The following LSAMP variants were observed in gnomAD, a reference collection of about 807,000 sequenced individuals.
The protein encoded by LSAMP is limbic system-associated membrane protein.
Under a neutral mutation model 38.6 loss-of-function variants are expected in LSAMP, and 7 were observed. That is an observed-to-expected ratio of 0.18 (90% CI 0.10 to 0.34). The LOEUF (loss-of-function observed/expected upper bound fraction) is 0.34, where lower values mean the gene tolerates loss of function less well. LSAMP is among the 10% of genes least tolerant of loss of function. LSAMP has a pLI of 1.00. For missense variants in LSAMP, 313 were observed against 420.0 expected (o/e 0.75, Z 2.23); for synonymous variants, 154 against 166.8 (o/e 0.92, Z 0.59).
intron 1 of LSAMP, among the ~76,000 whole-genome samples, chr3:116,210,039 C>T (rs1044747895): frequency 1.1e-4 from 17 of 152,280 alleles, no homozygotes; most frequent in African/African-American, 3.9e-4. Context: ...CAGGCCTGAG[C>T]CACTGAGCCC....
At chr3:115,854,282 A>ATTATTAT (rs1366839788) in intron 3 of LSAMP, among the ~76,000 whole-genome samples, 10 of 107,028 alleles carry the variant, frequency 9.3e-5, no homozygotes, top group Admixed American at 7.8e-4. Flanking sequence ...TATTATTATT[A>ATTATTAT]TTTTTTTTTT....
intron 1 of LSAMP, among the ~76,000 whole-genome samples, chr3:116,354,845 ATG>A (rs56975134): frequency 0.51 from 74,674 of 146,112 alleles, 20,022 homozygotes; most frequent in East Asian, 0.72. Context: ...GGGTGTATAT[ATG>A]TGTGTGTGTG....
chr3:115,810,270 G>T lies in LSAMP; in HGVS notation c.*47C>A. The T allele has an allele frequency of 3.9e-6, 5 of 1,274,536 alleles. No homozygotes were observed. Among genetic ancestry groups the T allele is most frequent in the South Asian group, 2.6e-5 (2 of 76,172 alleles). 79.0% of individuals were successfully genotyped at this position (1,274,536 alleles called of 1,614,324 possible). On this transcript the variant is annotated 3_prime_UTR_variant, in exon 7 of 7. Coordinates refer to ENST00000490035, the MANE Select transcript of LSAMP (RefSeq NM_002338.5). Reference sequence around the variant, plus strand: ...GTCTCTCTCTCTCTGTATTCTGTGTGACGCATTTTTGTGTGTTTTTTAAAT... The same window carrying T: ...GTCTCTCTCTCTCTGTATTCTGTGTTACGCATTTTTGTGTGTTTTTTAAAT...
rs1933644845 is a variant in LSAMP at position 115,806,974 on chromosome 3, T to C, written c.*3343A>G. ...AAAGTTGGGTCTAAGGATTTCCTTT[T>C]ACGAATGGTGGAGTTTTACTTTGTA... On this transcript the variant is annotated 3_prime_UTR_variant, in exon 7 of 7. Coordinates refer to ENST00000490035, the MANE Select transcript of LSAMP (RefSeq NM_002338.5). The C allele has an allele frequency of 6.6e-6, 1 of 152,316 alleles. No homozygotes were observed. Among genetic ancestry groups the C allele is most frequent in the Middle Eastern group, 3.4e-3 (1 of 294 alleles). The allele number at this position is 152,316 out of a possible 1,614,324, so 9.4% of individuals were successfully genotyped here. A position where few individuals can be genotyped will look rare whatever the true frequency, so the allele number is the denominator to read the frequency against.
chr3:116,356,763 A>G (rs2048228017), intron 1 of LSAMP, among the ~76,000 whole-genome samples: 1 of 152,112 alleles, frequency 6.6e-6, no homozygotes, highest in Admixed American at 6.6e-5. Context: ...ATCTCACTTA[A>G]AATTATTTTT....
intron 1 of LSAMP, among the ~76,000 whole-genome samples, chr3:116,143,995 TC>T (rs1395421069): frequency 1.3e-5 from 2 of 151,998 alleles, no homozygotes; most frequent in Admixed American, 1.3e-4. Flanking sequence ...GTCTAAATAT[TC>T]CAAGTTTTTG....
chr3:116,132,349 C>T (rs554945634), intron 1 of LSAMP, among the ~76,000 whole-genome samples: 1 of 152,176 alleles, frequency 6.6e-6, no homozygotes, highest in African/African-American at 2.4e-5. Flanking sequence ...CACTCAGCAG[C>T]TGTGATAAGC....
intron 3 of LSAMP, among the ~76,000 whole-genome samples, chr3:115,980,779 C>T (rs1348227860): frequency 1.3e-5 from 2 of 152,158 alleles, no homozygotes; most frequent in Non-Finnish European, 2.9e-5. Flanking sequence ...CCCCTTTTAT[C>T]TCCTAATCTA....
Position 115,948,099 on chromosome 3 carries a change from T to C in LSAMP, c.514+71416A>G, listed in dbSNP as rs185642195. On this transcript the variant is annotated intron_variant, in intron 3 of 6. Transcript: ENST00000490035. ...CAAAATAGTAAAGTCCAAGAACATT[T>C]CAATCTCTTCTGAATAAGGTCTAAA... 1.3e-4 allele frequency among the ~76,000 whole-genome samples: 20 copies of C among 152,330 alleles called. No individual in the cohort carries two copies. In the East Asian group the frequency reaches 3.9e-3, roughly 29 times the overall value.
intron 1 of LSAMP, among the ~76,000 whole-genome samples, chr3:116,408,380 C>A (rs957232995): frequency 6.6e-6 from 1 of 152,004 alleles, no homozygotes; most frequent in Non-Finnish European, 1.5e-5. Context: ...TTGAAATTGA[C>A]AAATCTACAG....
At chr3:115,877,554 G>A (rs745309441) in intron 3 of LSAMP, among the ~76,000 whole-genome samples, 6 of 152,004 alleles carry the variant, frequency 3.9e-5, no homozygotes, top group Non-Finnish European at 7.4e-5. Context: ...AGCATTATGT[G>A]CTAATCTCAT....
chr3:116,090,871 G>T (rs1365901470), intron 1 of LSAMP, among the ~76,000 whole-genome samples: 1 of 152,196 alleles, frequency 6.6e-6, no homozygotes, highest in African/African-American at 2.4e-5. Context: ...GGCAGGGCGA[G>T]ATCACAGGAC....
At position 115,952,496 on chromosome 3, in the gene LSAMP, T is replaced by C. The variant is rs147855748; in HGVS notation, c.514+67019A>G. On this transcript the variant is annotated intron_variant, in intron 3 of 6. Coordinates refer to ENST00000490035, the MANE Select transcript of LSAMP (RefSeq NM_002338.5). The stretch of plus-strand genomic sequence containing the variant: ...AAAACCAAATATCATATGTACTCAC[T>C]CAAAAGTGGGAGCTAAGCTATGAGG... 4.2e-3 allele frequency among the ~76,000 whole-genome samples: 643 copies of C among 152,250 alleles called. 9 individuals are homozygous for C. The highest frequency in any genetic ancestry group is 0.015 in the African/African-American group (628 of 41,530).
At chr3:116,421,116 G>A (rs1269251379) in intron 1 of LSAMP, among the ~76,000 whole-genome samples, 2 of 152,132 alleles carry the variant, frequency 1.3e-5, no homozygotes, top group Admixed American at 6.5e-5. Context: ...TGTAATTTGA[G>A]TCTAGGCAAA....
At chr3:116,006,604 G>C (rs1407382088) in intron 3 of LSAMP, among the ~76,000 whole-genome samples, 1 of 152,042 alleles carries the variant, frequency 6.6e-6, no homozygotes, top group Non-Finnish European at 1.5e-5. Context: ...GTCTCTTCAG[G>C]AATCCATCCA....
intron 1 of LSAMP, among the ~76,000 whole-genome samples, chr3:116,098,150 T>C (rs1390171641): frequency 1.3e-5 from 2 of 152,150 alleles, no homozygotes; most frequent in Non-Finnish European, 2.9e-5. Flanking sequence ...AAAGGAAATG[T>C]AGTGGTCTCC....
chr3:116,164,683 A>ATCCAAATATATATATATG (rs1559766336), intron 1 of LSAMP, among the ~76,000 whole-genome samples: 7 of 106,890 alleles, frequency 6.5e-5, no homozygotes, highest in South Asian at 3.0e-4. Flanking sequence ...ATATATATAT[A>ATCCAAATATATATATATG]ATCCAAATAT....
chr3:115,949,680 A>T (rs972667203), intron 3 of LSAMP, among the ~76,000 whole-genome samples: 2 of 152,260 alleles, frequency 1.3e-5, no homozygotes, highest in East Asian at 1.9e-4. Flanking sequence ...TACTAATTTC[A>T]TTGAAACTAT....
chr3:116,367,709 A>T (rs1034370022), intron 1 of LSAMP, among the ~76,000 whole-genome samples: 1 of 151,734 alleles, frequency 6.6e-6, no homozygotes, highest in Non-Finnish European at 1.5e-5. Flanking sequence ...GGGTTTCACC[A>T]TATTGGCCAG....
Sources: allele counts gnomAD v4.1 joint callset (sites outside exome capture counted in the v4.1 genomes callset), GRCh38; gene constraint gnomAD v4.1.1; transcripts MANE v1.5; gene names NCBI Gene and HGNC (gene_info 2026-07-23, HGNC 2026-07-21).